TTN: variants seen among roughly 807,000 people sequenced by gnomAD.
TTN encodes the protein titin.
TTN carries 1,525 observed loss-of-function variants against 3,223.0 expected under a neutral mutation model. The ratio of observed to expected loss-of-function variants is 0.47; its 90% CI spans 0.45 to 0.49. TTN has a LOEUF of 0.49. Among genes scored for constraint, TTN ranks in the 20% least tolerant of loss-of-function variants. TTN has a pLI of 0.00. For synonymous variants in TTN, 14,094 were observed against 15,161.0 expected (o/e 0.93, Z 5.17); for missense variants, 40,786 against 43,424.0 (o/e 0.94, Z 5.40).
In TTN at chr2:178,728,272, C is replaced by T; in HGVS notation, c.19552G>A (p.Gly6518Arg). 1 of 1,613,248 alleles carries T rather than the reference C, an allele frequency of 6.2e-7. No individual in the cohort carries two copies. The highest frequency in any genetic ancestry group is 8.5e-7 in the Non-Finnish European group (1 of 1,179,526). The change falls in exon 67 of 363, where the codon GGA (glycine) becomes AGA (arginine). Residue 6518 changes from glycine to arginine, a missense_variant. By Grantham distance (125) the Gly-to-Arg change is moderately radical. Coordinates refer to ENST00000589042, the MANE Select transcript of TTN (RefSeq NM_001267550.2). ...LPISAQWFKD[G>R]KEISTSAKYR... ...TTTGCACTTGTAGATATTTCTTTTC[C>T]ATCCTTAAACCACTGAGCACTAATG... is the stretch of plus-strand genomic sequence containing the variant.
Position 178,546,318 on chromosome 2 carries a change from T to G in TTN, c.95013A>C (p.Ala31671=). ...KVSLQYTGKR[A]TAVIKFCDRS... ...TGTCACAGAACTTGATCACAGCAGT[T>G]GCTCGTTTGCCAGTATACTGCAAAG... The change falls in exon 342 of 363, where the codon GCA becomes GCC. Residue 31671 remains alanine (A), a synonymous_variant. Transcript: ENST00000589042. 6.2e-7 allele frequency: 1 copy of G among 1,613,892 alleles called. No homozygotes were observed. Among genetic ancestry groups the G allele is most frequent in the Non-Finnish European group, 8.5e-7 (1 of 1,179,780 alleles).
Position 178,528,718 on chromosome 2 carries a change from A to G in TTN, c.107033T>C (p.Ile35678Thr). 6.2e-7 allele frequency: 1 copy of G among 1,613,606 alleles called. No homozygotes were observed. The highest frequency in any genetic ancestry group is 8.5e-7 in the Non-Finnish European group (1 of 1,179,726). Residue 35678 changes from isoleucine to threonine, a missense_variant, in exon 360 of 363, where the codon ATA (isoleucine) becomes ACA (threonine). Coordinates refer to ENST00000589042, the MANE Select transcript of TTN (RefSeq NM_001267550.2). The stretch of plus-strand genomic sequence containing the variant: ...GACGATTCCTTCCTTGGTTTTGCTT[A>G]TGCAGGTGAGGATTCCTTCATCTCT... The part of the protein sequence containing the change: ...SHRDEGILTC[I>T]SKTKEGIVKC...
At chr2:178,578,522 T>C in intron 321 of TTN, 89 bp downstream of exon 321, 1 of 990,532 alleles carries the variant, frequency 1.0e-6, no homozygotes, top group Non-Finnish European at 1.5e-6. Context: ...CAGATAATGT[T>C]ATCGATAAGC....
rs541351101 is a variant in TTN, at chr2:178,799,588, A to T, written c.813T>A (p.Ile271=). ...PKSRSPTPPS[I]AAKAQLARQQ... Reference sequence around the variant, plus strand: ...GCCGAGCCAGCTGTGCTTTGGCAGCAATAGACGGTGGTGTTGGGGATCTTG... The same window carrying T: ...GCCGAGCCAGCTGTGCTTTGGCAGCTATAGACGGTGGTGTTGGGGATCTTG... Residue 271 remains isoleucine, a synonymous_variant, in exon 6 of 363, where the codon ATT becomes ATA. Coordinates refer to ENST00000589042, the MANE Select transcript of TTN (RefSeq NM_001267550.2). The T allele has an allele frequency of 6.2e-7, 1 of 1,614,156 alleles. No homozygotes were observed. The highest frequency in any genetic ancestry group is 1.3e-5 in the African/African-American group (1 of 75,038).
At position 178,536,993 on chromosome 2, in the gene TTN, G is replaced by T; in HGVS notation, c.100116C>A (p.Phe33372Leu). Residue 33372 changes from phenylalanine (F) to leucine (L), a missense_variant, in exon 356 of 363, where the codon TTC becomes TTA. Physicochemically the swap from Phe to Leu is conservative, Grantham distance 22. Coordinates refer to ENST00000589042, the MANE Select transcript of TTN (RefSeq NM_001267550.2). ...YYFRVSAQNT[F>L]GISDPLEVSS... ...ACACTTCTAGAGGGTCACTGATGCCGAAAGTGTTCTGAGCTGAAACCCGGA... is the reference window on the plus strand; with the variant it reads ...ACACTTCTAGAGGGTCACTGATGCCTAAAGTGTTCTGAGCTGAAACCCGGA... 1.2e-6 allele frequency: 2 copies of T among 1,613,256 alleles called. No individual in the cohort carries two copies. The highest frequency in any genetic ancestry group is 2.7e-5 in the African/African-American group (2 of 75,012).
Position 178,575,086 on chromosome 2 carries a change from A to G in TTN, c.71046T>C (p.Phe23682=), listed in dbSNP as rs183466952. 6.2e-7 allele frequency: 1 copy of G among 1,613,216 alleles called. No individual in the cohort carries two copies. The highest frequency in any genetic ancestry group is 1.3e-5 in the African/African-American group (1 of 74,896). The part of the protein sequence containing the change: ...QILKQTQRVN[F]ETTATSTILN... ...AAATGGTTGAAGTCGCTGTGGTTTC[A>G]AAATTAACTCTCTGTGTCTGTTTAA... is the stretch of plus-strand genomic sequence containing the variant. Residue 23682 remains phenylalanine (F), a synonymous_variant, in exon 326 of 363, where the codon TTT becomes TTC. Coordinates refer to ENST00000589042, the MANE Select transcript of TTN (RefSeq NM_001267550.2). The surrounding 1 kb of genome is among the most constrained non-coding windows in gnomAD (Gnocchi z 4.0).
intron 47 of TTN, among the ~76,000 whole-genome samples, chr2:178,743,717 G>C (rs989861227): frequency 1.3e-5 from 2 of 151,790 alleles, no homozygotes; most frequent in Non-Finnish European, 2.9e-5. Context: ...TGAGTTTCTC[G>C]TTAATTTTAA....
intron 47 of TTN, chr2:178,746,886 C>T: frequency 6.2e-7 from 1 of 1,613,476 alleles, no homozygotes; most frequent in Non-Finnish European, 8.5e-7. Context: ...TCAATGGCTT[C>T]ATTGGGTGTA....
rs753154331 is a variant in TTN, at chr2:178,577,113, G to T, written c.69222C>A (p.Ser23074=). 2 of 1,613,136 alleles carry T rather than the reference G, an allele frequency of 1.2e-6. No homozygotes were observed. The highest frequency in any genetic ancestry group is 3.3e-5 in the Admixed American group (2 of 59,952). ...TGGTTTCTCTCTTTTCAAGTATATAGGACTTAATTGGTGAGCCGCCATCTT... is the reference window on the plus strand; with the variant it reads ...TGGTTTCTCTCTTTTCAAGTATATATGACTTAATTGGTGAGCCGCCATCTT... The part of the protein sequence containing the change: ...PLEDGGSPIK[S]YILEKRETSR... Residue 23074 remains serine, a synonymous_variant, in exon 324 of 363, where the codon TCC becomes TCA. Transcript: ENST00000589042.
Position 178,549,013 on chromosome 2 carries a change from C to T in TTN, c.92613G>A (p.Val30871=). ...TTGTTTTCACACATGCCTCTGCATT[C>T]ACCTTGTGCCAGTCTCCTAAGTCGG... ...CKADLGDWHK[V]NAEACVKTRY... The change falls in exon 339 of 363, where the codon GTG becomes GTA. Residue 30871 remains valine (V), a synonymous_variant. Transcript: ENST00000589042. 2 of 1,613,916 alleles carry T rather than the reference C, an allele frequency of 1.2e-6. No homozygotes were observed. The highest frequency in any genetic ancestry group is 1.7e-6 in the Non-Finnish European group (2 of 1,179,834).
chr2:178,777,884 G>A lies in TTN; in HGVS notation c.4300C>T (p.Pro1434Ser), dbSNP rs1049251712. The change falls in exon 25 of 363, where the codon CCT (proline) becomes TCT (serine). Residue 1434 changes from proline (P) to serine (S), a missense_variant. Coordinates refer to ENST00000589042, the MANE Select transcript of TTN (RefSeq NM_001267550.2). ...PARMSPARMSPARMSPGRRLE... is the reference protein window; with the variant it reads ...PARMSPARMSSARMSPGRRLE... ...CTACGTCCAGGGGACATTCTTGCAG[G>A]GGACATCCGTGCAGGAGACATCCTT... The A allele has an allele frequency of 9.9e-6, 16 of 1,613,846 alleles. No individual in the cohort carries two copies. The highest frequency in any genetic ancestry group is 1.6e-4 in the Middle Eastern group (1 of 6,084).
rs780334981 is a variant in TTN, at chr2:178,618,369, G to A, written c.47089C>T (p.Arg15697Cys). The A allele has an allele frequency of 5.6e-5, 90 of 1,612,340 alleles. No individual in the cohort carries two copies. The highest frequency in any genetic ancestry group is 6.7e-5 in the Admixed American group (4 of 59,852). The change falls in exon 252 of 363, where the codon CGT becomes TGT. Residue 15697 changes from arginine (R) to cysteine (C), a missense_variant. Physicochemically the swap from Arg to Cys is radical, Grantham distance 180. Transcript: ENST00000589042. ...SKIIGYVVER[R>C]DIKRKTWVLA... is the part of the protein sequence containing the mutation. ...ACCCAGGTCTTTCTCTTAATGTCACGTCTTTCAACAACGTAACCTATGATT... is the reference window on the plus strand; with the variant it reads ...ACCCAGGTCTTTCTCTTAATGTCACATCTTTCAACAACGTAACCTATGATT...
In TTN at chr2:178,634,543, C is replaced by T. The variant is rs1002712823; in HGVS notation, c.42238G>A (p.Glu14080Lys). The T allele has an allele frequency of 6.2e-7, 1 of 1,613,374 alleles. No homozygotes were observed. The highest frequency in any genetic ancestry group is 8.5e-7 in the Non-Finnish European group (1 of 1,179,546). The change falls in exon 230 of 363, where the codon GAG becomes AAG. Residue 14080 changes from glutamate (E) to lysine (K), a missense_variant. Glu to Lys is a moderately conservative substitution (Grantham distance 56). Transcript: ENST00000589042. This position sits in a 1 kb window ranked among gnomAD's most constrained non-coding sequence, Gnocchi z 4.6. ...CCTTTGGACCATATAACATTTGCCT[C>T]TCGGGTGAGGACACATTCGAATCGA... ...QARFECVLTR[E>K]ANVIWSKGPD...
chr2:178,527,215 T>C lies in TTN; in HGVS notation c.107773A>G (p.Thr35925Ala), dbSNP rs781497669. ...CCACAGGACCATGTTACTTCTGGGG[T>C]AGGCTCACCCGTGAAAGCACAGGCT... ...TVACAFTGEP[T>A]PEVTWSCGGR... The change falls in exon 363 of 363, where the codon ACC (threonine) becomes GCC (alanine). Residue 35925 changes from threonine (T) to alanine (A), a missense_variant. By Grantham distance (58) the Thr-to-Ala change is moderately conservative (BLOSUM62 0). Coordinates refer to ENST00000589042, the MANE Select transcript of TTN (RefSeq NM_001267550.2). 24 of 1,613,956 alleles carry C rather than the reference T, an allele frequency of 1.5e-5. No homozygotes were observed. Among genetic ancestry groups the C allele is most frequent in the Non-Finnish European group, 1.9e-5 (23 of 1,179,866 alleles).
rs564938876 is a variant in TTN, at chr2:178,572,983, C to T, written c.73149G>A (p.Ser24383=). Residue 24383 remains serine, a synonymous_variant, in exon 326 of 363, where the codon TCG becomes TCA. Transcript: ENST00000589042. ...VTPPAGLKAT[S]YTITGLTENQ... ...TCTCTGTGAGGCCAGTGATAGTATA[C>T]GAAGTTGCCTTGAGTCCTGCTGGTG... 1.3e-5 allele frequency: 21 copies of T among 1,612,982 alleles called. No homozygotes were observed. Among genetic ancestry groups the T allele is most frequent in the Middle Eastern group, 1.6e-4 (1 of 6,074 alleles).
At chr2:178,672,380 G>A (rs769554628) in intron 154 of TTN, 27 bp downstream of exon 154, 23 of 1,601,966 alleles carry the variant, frequency 1.4e-5, no homozygotes, top group Admixed American at 1.0e-4. Flanking sequence ...AACAATACAC[G>A]AAAATCCAGG....
Position 178,635,991 on chromosome 2 carries a change from C to T in TTN, c.41580G>A (p.Leu13860=). Reference sequence around the variant, plus strand: ...CTACTTTTACGCAAGATGAACACTCCAGGTTGTTGGCGTTTTCCACAGTAA... The same window carrying T: ...CTACTTTTACGCAAGATGAACACTCTAGGTTGTTGGCGTTTTCCACAGTAA... ...YTVTVENANN[L]ECSSCVKVVE... is the part of the protein sequence containing the mutation. The change falls in exon 226 of 363, where the codon CTG becomes CTA. Residue 13860 remains leucine (L), a synonymous_variant. Coordinates refer to ENST00000589042, the MANE Select transcript of TTN (RefSeq NM_001267550.2). The T allele has an allele frequency of 6.2e-7, 1 of 1,608,472 alleles. No individual in the cohort carries two copies. Among genetic ancestry groups the T allele is most frequent in the Non-Finnish European group, 8.5e-7 (1 of 1,176,252 alleles).
Position 178,590,387 on chromosome 2 carries a change from A to G in TTN, c.61338T>C (p.Arg20446=). The part of the protein sequence containing the change: ...GLIEGNEYRF[R]IKAANIVGEG... ...CTCCTACAATATTAGCTGCCTTTATACGGAATCTGTACTCATTTCCTTCAA... is the reference window on the plus strand; with the variant it reads ...CTCCTACAATATTAGCTGCCTTTATGCGGAATCTGTACTCATTTCCTTCAA... The change falls in exon 304 of 363, where the codon CGT becomes CGC. Residue 20446 remains arginine (R), a synonymous_variant. Transcript: ENST00000589042. 6.3e-7 allele frequency: 1 copy of G among 1,596,534 alleles called. No homozygotes were observed. Among genetic ancestry groups the G allele is most frequent in the Non-Finnish European group, 8.5e-7 (1 of 1,172,178 alleles).
chr2:178,642,894 A>G (rs1301943574), intron 218 of TTN, among the ~76,000 whole-genome samples: 1 of 152,018 alleles, frequency 6.6e-6, no homozygotes, highest in Non-Finnish European at 1.5e-5. Flanking sequence ...TTATAGAATT[A>G]TAAAATTTCA....
Sources: gnomAD v4.1 joint callset for allele counts (sites outside exome capture counted in the v4.1 genomes callset) on GRCh38, gnomAD v4.1.1 for gene constraint, Gnocchi (gnomAD v3.1) non-coding constraint, MANE v1.5 for transcripts, NCBI Gene and HGNC (gene_info 2026-07-23, HGNC 2026-07-21) for gene names.